The following COL18A1 variants were observed in gnomAD, a reference collection of about 807,000 sequenced individuals.
The protein encoded by COL18A1 is collagen type XVIII alpha 1 chain, also known as collagen alpha-1(XVIII) chain.
Under a neutral mutation model 168.0 loss-of-function variants are expected in COL18A1, and 133 were observed. The observed-to-expected ratio is 0.79, with a 90% confidence interval of 0.69 to 0.91. COL18A1 has a LOEUF of 0.91. COL18A1 is among the 40% of genes least tolerant of loss of function. The pLI is 0.00. For synonymous variants in COL18A1, 949 were observed against 809.0 expected, an observed-to-expected ratio of 1.17 and a Z score of -2.94; for missense variants, 2,126 against 1,925.4, an observed-to-expected ratio of 1.10 and a Z score of -1.95.
intron 8 of COL18A1, 105 bp downstream of exon 8, chr21:45,478,070 G>C (rs550858962): frequency 1.3e-6 from 1 of 766,208 alleles, no homozygotes; most frequent in African/African-American, 1.7e-5. Flanking sequence ...AGCTGGGATC[G>C]GGGCAGGTCA....
intron 2 of COL18A1, chr21:45,421,599 C>T (rs142483907): frequency 5.6e-6 from 3 of 534,026 alleles, no homozygotes; most frequent in African/African-American, 3.8e-5. Context: ...CTCCTGCAGT[C>T]CTCTTCTCTT....
At chr21:45,405,277 CCAAGATG>C in intron 1 of COL18A1, 36 bp downstream of exon 1, 1 of 607,182 alleles carries the variant, frequency 1.6e-6, no homozygotes. Flanking sequence ...TTGGGGGACG[CCAAGATG>C]CGGCTGCGGG....
At chr21:45,410,213 G>A (rs2033247818) in intron 2 of COL18A1, 1 of 152,276 alleles carries the variant, frequency 6.6e-6, no homozygotes, top group Non-Finnish European at 1.5e-5. Flanking sequence ...GGCACTTTCT[G>A]GCATTTCATG....
intron 2 of COL18A1, among the ~76,000 whole-genome samples, chr21:45,442,704 G>A (rs1300481513): frequency 1.9e-5 from 2 of 106,862 alleles, no homozygotes; most frequent in Non-Finnish European, 3.6e-5. Flanking sequence ...TGGTGTGGGC[G>A]GAGGTCCTGG....
At chr21:45,507,742 G>A in intron 38 of COL18A1, 149 bp downstream of exon 38, 1 of 771,492 alleles carries the variant, frequency 1.3e-6, no homozygotes. Flanking sequence ...AGAAACTGGT[G>A]CAGGACACCC....
At chr21:45,483,474 G>A (rs889022030) in intron 15 of COL18A1, among the ~76,000 whole-genome samples, 1 of 152,038 alleles carries the variant, frequency 6.6e-6, no homozygotes, top group Non-Finnish European at 1.5e-5. Context: ...CCCCCCCAAC[G>A]ACCCACTTCC....
chr21:45,446,921 G>C (rs1305592735), intron 2 of COL18A1, among the ~76,000 whole-genome samples: 1 of 152,190 alleles, frequency 6.6e-6, no homozygotes, highest in Non-Finnish European at 1.5e-5. Context: ...AATAGATGCA[G>C]AGAAAGTATT....
chr21:45,488,308 C>T (rs530310478), intron 17 of COL18A1, 110 bp from the exon 18 acceptor site: 34 of 1,345,616 alleles, frequency 2.5e-5, no homozygotes, highest in Non-Finnish European at 3.5e-5. Context: ...TTTCCTTTTA[C>T]ACACGTATTT....
intron 29 of COL18A1, chr21:45,495,858 T>C (rs1353619989): frequency 3.1e-6 from 1 of 320,204 alleles, no homozygotes; most frequent in Non-Finnish European, 6.1e-6. Context: ...CACTCATACA[T>C]GTGCACGTAT....
At chr21:45,493,816 A>C in intron 26 of COL18A1, 1 of 552,400 alleles carries the variant, frequency 1.8e-6, no homozygotes, top group African/African-American at 1.9e-5. Context: ...CACCCTGCTG[A>C]GGGGAGGTTC....
chr21:45,505,276 A>G lies in COL18A1; in HGVS notation c.3011A>G (p.Gln1004Arg), dbSNP rs1478369652. The G allele has an allele frequency of 6.2e-7, 1 of 1,605,330 alleles. No homozygotes were observed. Among genetic ancestry groups the G allele is most frequent in the Admixed American group, 1.7e-5 (1 of 59,924 alleles). ...CCTTCATTTCCTGGCCCTCACAGGC[A>G]GAGTAAGTCAGTGGGGAGTGGGCCC... ...GPPSFPGPHRQTISVPGPPGP... is the reference protein window; with the variant it reads ...GPPSFPGPHRRTISVPGPPGP... The change falls in exon 35 of 42, where the codon CAG becomes CGG. Residue 1004 changes from glutamine (Q) to arginine (R), a missense_variant and splice_region_variant. By Grantham distance (43) the Gln-to-Arg change is conservative. Coordinates refer to ENST00000651438, the MANE Select transcript of COL18A1 (RefSeq NM_001379500.1).
chr21:45,489,112 C>T (rs929679627), intron 18 of COL18A1, among the ~76,000 whole-genome samples: 3 of 152,226 alleles, frequency 2.0e-5, no homozygotes, highest in African/African-American at 4.8e-5. Context: ...GGCACCTGCT[C>T]CTTTGAGCTT....
Position 45,425,644 on chromosome 21 carries a change from G to A in COL18A1, c.106+20171G>A, listed in dbSNP as rs946494187. On this transcript the variant is annotated intron_variant, in intron 2 of 41. Coordinates refer to ENST00000651438, the MANE Select transcript of COL18A1 (RefSeq NM_001379500.1). This position sits in a 1 kb window ranked among gnomAD's most constrained non-coding sequence, Gnocchi z 4.1. ...CTGGAGTCAGAGGGTCCCTCTCGTC[G>A]TCCAGCCTCCCCGGCTCCTCAGGGG... Among the ~76,000 whole-genome samples the A allele has an allele frequency of 3.3e-5, 5 of 152,142 alleles. No individual in the cohort carries two copies. The highest frequency in any genetic ancestry group is 9.7e-5 in the African/African-American group (4 of 41,430).
Position 45,457,207 on chromosome 21 carries a change from CTG to C in COL18A1, c.107-11034_107-11033del, listed in dbSNP as rs746124241. Among the ~76,000 whole-genome samples, 4 of 152,240 alleles carry C rather than the reference CTG, an allele frequency of 2.6e-5. No individual in the cohort carries two copies. The highest frequency in any genetic ancestry group is 5.9e-5 in the Non-Finnish European group (4 of 68,038). Reference sequence around the variant, plus strand: ...CATGCCCCGAGTCACAGAGGGGAAACTGAGGCGTGGGGCAGTGGCGTGACTCA... The same window carrying C: ...CATGCCCCGAGTCACAGAGGGGAAACAGGCGTGGGGCAGTGGCGTGACTCA... On this transcript the variant is annotated intron_variant, in intron 2 of 41. Transcript: ENST00000651438. This position sits in a 1 kb window ranked among gnomAD's most constrained non-coding sequence, Gnocchi z 4.6.
chr21:45,493,866 C>T, intron 26 of COL18A1: 1 of 479,476 alleles, frequency 2.1e-6, no homozygotes. Context: ...TCCCTGGGGC[C>T]TGGCCTGTGG....
intron 9 of COL18A1, among the ~76,000 whole-genome samples, chr21:45,479,185 TG>T (rs66973107): frequency 0.054 from 7,618 of 140,784 alleles, 497 homozygotes; most frequent in African/African-American, 0.16. Flanking sequence ...CGCGTGTGTG[TG>T]GGGGGGTGAG....
chr21:45,505,045 G>A (rs2037108177), intron 34 of COL18A1, 89 bp from the exon 35 acceptor site: 3 of 1,518,916 alleles, frequency 2.0e-6, no homozygotes, highest in African/African-American at 2.7e-5. Context: ...CTCGCCAAGG[G>A]GGTCTTGGCA....
chr21:45,482,049 G>C, intron 14 of COL18A1, 24 bp downstream of exon 14: 1 of 1,600,912 alleles, frequency 6.2e-7, no homozygotes, highest in African/African-American at 1.3e-5. Context: ...CGAGTCCAGG[G>C]TGAGTGGGAA....
chr21:45,504,529 A>C lies in COL18A1; in HGVS notation c.2841A>C (p.Pro947=), dbSNP rs751825604. 4 of 878,284 alleles carry C rather than the reference A, an allele frequency of 4.6e-6. No homozygotes were observed. The highest frequency in any genetic ancestry group is 6.7e-6 in the Non-Finnish European group (4 of 596,146). 54.4% of individuals were successfully genotyped at this position (878,284 alleles called of 1,614,324 possible). The change falls in exon 34 of 42, where the codon CCA becomes CCC. Residue 947 remains proline (P), a synonymous_variant. Transcript: ENST00000651438. The part of the protein sequence containing the change: ...LPGPPGPPGP[P]GPRGYPGIPG... ...GCCCCCCCGGCCCCCCAGGCCCCCC[A>C]GGCCCACGTGGCTACCCTGGGATTC...
Sources: gnomAD v4.1 joint callset for allele counts (sites outside exome capture counted in the v4.1 genomes callset) on GRCh38, gnomAD v4.1.1 for gene constraint, Gnocchi (gnomAD v3.1) non-coding constraint, MANE v1.5 for transcripts, NCBI Gene and HGNC (gene_info 2026-07-23, HGNC 2026-07-21) for gene names.